The following FAM107B variants were observed in gnomAD, a reference collection of about 807,000 sequenced individuals.
FAM107B encodes the protein protein FAM107B.
FAM107B carries 21 observed loss-of-function variants against 31.5 expected under a neutral mutation model. That is an observed-to-expected ratio of 0.67 (90% CI 0.47 to 0.96). The LOEUF (loss-of-function observed/expected upper bound fraction) is 0.96, where lower values mean the gene tolerates loss of function less well. Among genes scored for constraint, FAM107B ranks in the 40% least tolerant of loss-of-function variants. The pLI is 0.00. For missense variants in FAM107B, 452 were observed against 377.1 expected (o/e 1.20, Z -1.64); for synonymous variants, 157 against 141.5 (o/e 1.11, Z -0.78).
chr10:14,712,305 G>C (rs1855668087), intron 1 of FAM107B, among the ~76,000 whole-genome samples: 1 of 151,934 alleles, frequency 6.6e-6, no homozygotes, highest in South Asian at 2.1e-4. Flanking sequence ...TTAAAAAGAA[G>C]TTGGGGCCGG....
intron 2 of FAM107B, among the ~76,000 whole-genome samples, chr10:14,626,877 C>T (rs527522361): frequency 2.6e-5 from 4 of 152,204 alleles, no homozygotes; most frequent in Non-Finnish European, 2.9e-5. Context: ...TGTCGATGGC[C>T]TCTGATTTAG....
chr10:14,572,049 C>T, intron 2 of FAM107B: 4 of 985,434 alleles, frequency 4.1e-6, no homozygotes, highest in Non-Finnish European at 4.8e-6. Context: ...CAAGAATTAA[C>T]CATCCCCACA....
chr10:14,593,264 A>G (rs1852077259), intron 2 of FAM107B, among the ~76,000 whole-genome samples: 2 of 152,326 alleles, frequency 1.3e-5, no homozygotes, highest in East Asian at 3.9e-4. Flanking sequence ...TAAAAGAGAA[A>G]AACATACTAA....
chr10:14,676,683 G>C (rs1054976836), intron 1 of FAM107B, among the ~76,000 whole-genome samples: 10 of 152,178 alleles, frequency 6.6e-5, no homozygotes, highest in African/African-American at 2.2e-4. Flanking sequence ...AAAATGACTT[G>C]AGTGCTTGCA....
At chr10:14,738,842 G>A (rs1856370245) in intron 1 of FAM107B, among the ~76,000 whole-genome samples, 1 of 152,182 alleles carries the variant, frequency 6.6e-6, no homozygotes, top group African/African-American at 2.4e-5. Context: ...GGACATTGTT[G>A]CTGTGTAACA....
intron 2 of FAM107B, among the ~76,000 whole-genome samples, chr10:14,662,168 G>A (rs923763719): frequency 1.3e-5 from 2 of 152,076 alleles, no homozygotes; most frequent in African/African-American, 2.4e-5. Flanking sequence ...GGATTGCAAC[G>A]CATCTTTAAA....
chr10:14,671,360 G>A (rs1203786703), intron 1 of FAM107B, among the ~76,000 whole-genome samples: 9 of 152,186 alleles, frequency 5.9e-5, no homozygotes. Context: ...GTTTTATTGG[G>A]TGAAAAGGAA....
chr10:14,688,231 C>T (rs1035299659), intron 1 of FAM107B, among the ~76,000 whole-genome samples: 6 of 152,202 alleles, frequency 3.9e-5, no homozygotes, highest in African/African-American at 1.4e-4. Context: ...CAGGGGCTCT[C>T]GGGCCTTTGG....
chr10:14,651,504 C>CT (rs1853898469), intron 2 of FAM107B, among the ~76,000 whole-genome samples: 1 of 152,126 alleles, frequency 6.6e-6, no homozygotes, highest in African/African-American at 2.4e-5. Context: ...ACTTAGGAGG[C>CT]TGAGGCAAAA....
chr10:14,623,390 A>G (rs924281042), intron 2 of FAM107B, among the ~76,000 whole-genome samples: 1 of 152,218 alleles, frequency 6.6e-6, no homozygotes, highest in African/African-American at 2.4e-5. Context: ...AACTGTGGCT[A>G]AATAAAGATC....
chr10:14,553,405 A>T (rs1182777589), intron 2 of FAM107B: 2 of 1,237,236 alleles, frequency 1.6e-6, no homozygotes, highest in Non-Finnish European at 2.1e-6. Flanking sequence ...AAAAAAACAT[A>T]GTGAAAGTCA....
At chr10:14,768,214 A>G (rs1833225150) in intron 1 of FAM107B, among the ~76,000 whole-genome samples, 1 of 152,228 alleles carries the variant, frequency 6.6e-6, no homozygotes, top group Non-Finnish European at 1.5e-5. Context: ...TAAGATGTCA[A>G]TACTGCTCAA....
chr10:14,661,514 CT>C (rs1256096372), intron 2 of FAM107B: 8 of 152,244 alleles, frequency 5.3e-5, no homozygotes, highest in African/African-American at 1.7e-4. Context: ...TCAGTCTTCC[CT>C]GCCCTTGTTC....
intron 2 of FAM107B, among the ~76,000 whole-genome samples, chr10:14,551,166 T>G (rs886194081): frequency 1.3e-4 from 20 of 152,180 alleles, no homozygotes; most frequent in African/African-American, 4.8e-4. Context: ...ATTCTCTACA[T>G]TTTGGTTTAT....
At chr10:14,528,174 G>T (rs1192904151) in intron 3 of FAM107B, 7 of 67,760 alleles carry the variant, frequency 1.0e-4, no homozygotes, top group South Asian at 7.6e-4. Flanking sequence ...TTAAGTTTTG[G>T]TTTTTTTTTT....
chr10:14,527,303 C>T (rs922836102), intron 3 of FAM107B, among the ~76,000 whole-genome samples: 3 of 152,038 alleles, frequency 2.0e-5, no homozygotes, highest in African/African-American at 7.2e-5. Context: ...AGACTTTTAA[C>T]CTGAAACTAA....
intron 2 of FAM107B, among the ~76,000 whole-genome samples, chr10:14,627,508 T>C (rs984315647): frequency 6.6e-6 from 1 of 152,226 alleles, no homozygotes; most frequent in Non-Finnish European, 1.5e-5. Flanking sequence ...GTGCAATGGC[T>C]CACGCCTGTC....
intron 1 of FAM107B, among the ~76,000 whole-genome samples, chr10:14,681,091 A>G (rs1363150220): frequency 6.6e-6 from 1 of 152,226 alleles, no homozygotes; most frequent in East Asian, 1.9e-4. Context: ...CACTTCTTAT[A>G]GGAACCCTAA....
chr10:14,751,573 G>A (rs1441417279), intron 1 of FAM107B, among the ~76,000 whole-genome samples: 1 of 151,830 alleles, frequency 6.6e-6, no homozygotes, highest in African/African-American at 2.4e-5. Flanking sequence ...TGTGATCAGA[G>A]CTCATTACAG....
Sources: gnomAD v4.1 joint callset for allele counts (sites outside exome capture counted in the v4.1 genomes callset) on GRCh38, gnomAD v4.1.1 for gene constraint, MANE v1.5 for transcripts, NCBI Gene and HGNC (gene_info 2026-07-23, HGNC 2026-07-21) for gene names.